UMAD1: variants seen among roughly 807,000 people sequenced by gnomAD.
UMAD1 encodes UBAP1-MVB12-associated (UMA) domain containing 1, also known as UBAP1-MVB12-associated (UMA)-domain containing protein 1.
Under a neutral mutation model 6.1 loss-of-function variants are expected in UMAD1, and 8 were observed. The observed-to-expected ratio is 1.30, with a 90% CI of 0.76 to 2.35. The LOEUF is 2.35. UMAD1 is among the 30% of genes most tolerant of loss of function. UMAD1 has a pLI of 0.00. For synonymous variants in UMAD1, 56 were observed against 31.4 expected (o/e 1.78, Z -2.61); for missense variants, 130 against 78.4 (o/e 1.66, Z -2.49).
At chr7:7,648,135 G>A (rs763153339) in intron 1 of UMAD1, among the ~76,000 whole-genome samples, 1 of 152,206 alleles carries the variant, frequency 6.6e-6, no homozygotes, top group African/African-American at 2.4e-5. Context: ...GTGGGCTCCA[G>A]TGGCCTCCTT....
intron 3 of UMAD1, among the ~76,000 whole-genome samples, chr7:7,847,102 AAAATATATATATATATATATATATAT>A (rs1345008860): frequency 0.035 from 714 of 20,260 alleles, 115 homozygotes; most frequent in African/African-American, 0.11. Context: ...AAAAAAAAAA[AAAATATATATATATATATATATATAT>A]ATATATATAT....
chr7:7,709,695 G>A (rs1156432473), intron 2 of UMAD1, among the ~76,000 whole-genome samples: 1 of 151,972 alleles, frequency 6.6e-6, no homozygotes, highest in East Asian at 1.9e-4. Flanking sequence ...ACCTGCTGAG[G>A]GTAAGATCTT....
chr7:7,730,462 T>C (rs549686533), intron 2 of UMAD1, among the ~76,000 whole-genome samples: 1 of 152,114 alleles, frequency 6.6e-6, no homozygotes, highest in South Asian at 2.1e-4. Context: ...GCAATTGATC[T>C]TGTCTCATCC....
chr7:7,661,908 G>T (rs1036054994), intron 1 of UMAD1, among the ~76,000 whole-genome samples: 3 of 152,188 alleles, frequency 2.0e-5, no homozygotes, highest in African/African-American at 7.2e-5. Flanking sequence ...TGCACCCACA[G>T]CTGCCCCTTC....
At chr7:7,788,578 C>T (rs1035739598) in intron 2 of UMAD1, among the ~76,000 whole-genome samples, 2 of 152,098 alleles carry the variant, frequency 1.3e-5, no homozygotes, top group Admixed American at 6.6e-5. Context: ...TAGGATCTAC[C>T]AGTAGCAGGC....
At position 7,772,286 on chromosome 7, in the gene UMAD1, T is replaced by G. The variant is rs145437958; in HGVS notation, c.83-29384T>G. 1.2e-3 allele frequency: 184 copies of G among 152,372 alleles called. 1 individual carries two copies. Among genetic ancestry groups the G allele is most frequent in the African/African-American group, 4.2e-3 (173 of 41,592 alleles). The allele number at this position is 152,372 out of a possible 1,614,324, so 9.4% of individuals were successfully genotyped here. On this transcript the variant is annotated intron_variant, in intron 2 of 3. Transcript: ENST00000682710. ...CTTAAAACACAAGTTGAAAACCGTT[T>G]GTTGTACTTTTTGTGAATATGCTGA...
At chr7:7,677,426 T>C (rs893500383) in intron 2 of UMAD1, among the ~76,000 whole-genome samples, 4 of 152,102 alleles carry the variant, frequency 2.6e-5, no homozygotes, top group Admixed American at 2.6e-4. Flanking sequence ...TTGCCTTTGG[T>C]AACCATCATT....
chr7:7,695,142 G>A (rs28912708), intron 2 of UMAD1, among the ~76,000 whole-genome samples: 1 of 152,298 alleles, frequency 6.6e-6, no homozygotes, highest in Non-Finnish European at 1.5e-5. Context: ...GATCAGTAAT[G>A]TTGAGCACCT....
chr7:7,659,027 G>C (rs1395303819), intron 1 of UMAD1, among the ~76,000 whole-genome samples: 1 of 152,186 alleles, frequency 6.6e-6, no homozygotes, highest in Non-Finnish European at 1.5e-5. Flanking sequence ...TCCTGGTTTA[G>C]ACTTGGGAAG....
intron 3 of UMAD1, among the ~76,000 whole-genome samples, chr7:7,872,102 T>A (rs201190422): frequency 7.9e-4 from 111 of 140,256 alleles, no homozygotes; most frequent in Middle Eastern, 3.6e-3. Context: ...AAATAAAAAA[T>A]AAAAAAAAAA....
intron 2 of UMAD1, among the ~76,000 whole-genome samples, chr7:7,747,019 A>G (rs1302732173): frequency 6.6e-6 from 1 of 151,680 alleles, no homozygotes; most frequent in Non-Finnish European, 1.5e-5. Context: ...TGTTATTGGA[A>G]GTTATTGCCA....
chr7:7,735,348 A>C (rs897206894), intron 2 of UMAD1, among the ~76,000 whole-genome samples: 1 of 152,154 alleles, frequency 6.6e-6, no homozygotes, highest in Non-Finnish European at 1.5e-5. Context: ...TTTTAATCCA[A>C]GCTTAATTTT....
chr7:7,859,933 T>C (rs747199314), intron 3 of UMAD1, among the ~76,000 whole-genome samples: 4 of 152,240 alleles, frequency 2.6e-5, no homozygotes, highest in African/African-American at 7.2e-5. Context: ...AGCATTATAA[T>C]TTTTGAAATT....
intron 2 of UMAD1, among the ~76,000 whole-genome samples, chr7:7,783,747 A>T (rs1325544647): frequency 6.6e-6 from 1 of 152,248 alleles, no homozygotes; most frequent in African/African-American, 2.4e-5. Context: ...CACCAGCAGA[A>T]TACTTAAAAA....
chr7:7,681,766 G>A (rs1370821069), intron 2 of UMAD1, among the ~76,000 whole-genome samples: 1 of 152,056 alleles, frequency 6.6e-6, no homozygotes, highest in African/African-American at 2.4e-5. Flanking sequence ...CTCCTGTTAT[G>A]ACATGTTTAA....
At chr7:7,723,671 CA>C (rs1382689148) in intron 2 of UMAD1, among the ~76,000 whole-genome samples, 2 of 152,188 alleles carry the variant, frequency 1.3e-5, no homozygotes, top group African/African-American at 4.8e-5. Context: ...TCAGAACTAA[CA>C]GTGGCAACCA....
chr7:7,721,175 T>C (rs965521967), intron 2 of UMAD1, among the ~76,000 whole-genome samples: 1 of 152,228 alleles, frequency 6.6e-6, no homozygotes, highest in African/African-American at 2.4e-5. Flanking sequence ...GACAACTTGA[T>C]TGACGATTTC....
chr7:7,656,638 A>G (rs932460689), intron 1 of UMAD1, among the ~76,000 whole-genome samples: 1 of 152,180 alleles, frequency 6.6e-6, no homozygotes, highest in Non-Finnish European at 1.5e-5. Flanking sequence ...CCTGCAAAGG[A>G]TATGAACTCA....
At chr7:7,851,863 G>A (rs918063346) in intron 3 of UMAD1, among the ~76,000 whole-genome samples, 3 of 151,998 alleles carry the variant, frequency 2.0e-5, no homozygotes, top group Non-Finnish European at 2.9e-5. Flanking sequence ...GTCCTTTGAA[G>A]CATAGAAGTT....
Sources: allele counts gnomAD v4.1 joint callset (sites outside exome capture counted in the v4.1 genomes callset), GRCh38; gene constraint gnomAD v4.1.1; transcripts MANE v1.5; gene names NCBI Gene and HGNC (gene_info 2026-07-23, HGNC 2026-07-21).